The following DLG2 variants were observed in gnomAD, a reference collection of about 807,000 sequenced individuals.
The protein encoded by DLG2 is discs large MAGUK scaffold protein 2, also known as disks large homolog 2.
Under a neutral mutation model 132.5 loss-of-function variants are expected in DLG2, and 45 were observed. The ratio of observed to expected loss-of-function variants is 0.34; its 90% CI spans 0.27 to 0.44. The LOEUF is 0.44. Among genes scored for constraint, DLG2 ranks in the 20% least tolerant of loss-of-function variants. The pLI is 1.00. For synonymous variants in DLG2, 424 were observed against 419.6 expected (o/e 1.01, Z -0.13); for missense variants, 1,045 against 1,196.9 (o/e 0.87, Z 1.87).
chr11:85,622,701 G>A (rs1309644781), intron 2 of DLG2, among the ~76,000 whole-genome samples: 3 of 151,852 alleles, frequency 2.0e-5, no homozygotes, highest in African/African-American at 7.3e-5. Context: ...TTTAAGAACT[G>A]TGAGTCCAGG....
At chr11:84,034,495 G>A (rs1051994619) in intron 11 of DLG2, among the ~76,000 whole-genome samples, 1 of 152,068 alleles carries the variant, frequency 6.6e-6, no homozygotes, top group Non-Finnish European at 1.5e-5. Flanking sequence ...AAATTTTGAA[G>A]CTTTTCCTTG....
intron 11 of DLG2, among the ~76,000 whole-genome samples, chr11:84,020,384 C>T (rs1327177049): frequency 6.6e-6 from 1 of 151,996 alleles, no homozygotes; most frequent in Non-Finnish European, 1.5e-5. Context: ...TTCATGTTGT[C>T]ACTACATACT....
intron 6 of DLG2, among the ~76,000 whole-genome samples, chr11:85,091,935 GA>G (rs1481419517): frequency 6.6e-6 from 1 of 152,140 alleles, no homozygotes; most frequent in East Asian, 1.9e-4. Flanking sequence ...AGTGAATCAT[GA>G]ATGTTCTCAA....
intron 3 of DLG2, among the ~76,000 whole-genome samples, chr11:85,531,733 T>C (rs1345258050): frequency 1.3e-5 from 2 of 151,996 alleles, no homozygotes; most frequent in African/African-American, 2.4e-5. Context: ...TACACAGCGG[T>C]GGAGGGGTGG....
chr11:85,011,668 C>A (rs776295770), intron 6 of DLG2, among the ~76,000 whole-genome samples: 2 of 152,152 alleles, frequency 1.3e-5, no homozygotes, highest in African/African-American at 2.4e-5. Context: ...ATGATTTCCT[C>A]TATAAGAAAT....
intron 6 of DLG2, among the ~76,000 whole-genome samples, chr11:84,956,679 A>C (rs889948630): frequency 2.6e-5 from 4 of 152,204 alleles, no homozygotes; most frequent in African/African-American, 4.8e-5. Context: ...GAAAGGAAGA[A>C]ATGTAACTCA....
At chr11:84,902,231 G>A (rs903186921) in intron 6 of DLG2, among the ~76,000 whole-genome samples, 3 of 152,054 alleles carry the variant, frequency 2.0e-5, no homozygotes, top group Non-Finnish European at 4.4e-5. Flanking sequence ...ATTCCCAGAT[G>A]GCAAATCCAT....
chr11:84,737,236 C>T (rs1005494810), intron 6 of DLG2, among the ~76,000 whole-genome samples: 1 of 151,920 alleles, frequency 6.6e-6, no homozygotes, highest in African/African-American at 2.4e-5. Flanking sequence ...TAGTGTACTA[C>T]TGGATTCCAT....
At chr11:84,148,055 G>C (rs917654546) in intron 9 of DLG2, among the ~76,000 whole-genome samples, 3 of 151,896 alleles carry the variant, frequency 2.0e-5, no homozygotes, top group Admixed American at 6.6e-5. Context: ...AGTAATGAAC[G>C]GTCATTCAGG....
chr11:83,899,671 T>C (rs902111145), intron 15 of DLG2, among the ~76,000 whole-genome samples: 1 of 127,520 alleles, frequency 7.8e-6, no homozygotes, highest in Non-Finnish European at 1.7e-5. Context: ...CCTTCTGCCA[T>C]GATTGTGAGG....
intron 11 of DLG2, among the ~76,000 whole-genome samples, chr11:84,043,099 AAATT>A (rs1398644434): frequency 1.3e-5 from 2 of 151,610 alleles, no homozygotes; most frequent in Admixed American, 6.6e-5. Flanking sequence ...TTGCCTAAAT[AAATT>A]AATTAAAAAT....
chr11:83,770,255 G>GTT (rs143065797), intron 18 of DLG2, among the ~76,000 whole-genome samples: 11 of 109,942 alleles, frequency 1.0e-4, no homozygotes, highest in East Asian at 2.2e-4. Context: ...GGTGTCTGGT[G>GTT]TTTTTTTTTG....
intron 6 of DLG2, among the ~76,000 whole-genome samples, chr11:84,680,578 C>T (rs1210951807): frequency 6.6e-6 from 1 of 152,126 alleles, no homozygotes; most frequent in Non-Finnish European, 1.5e-5. Context: ...AAAACCTTTC[C>T]CAAATATTTG....
At chr11:84,854,874 T>C (rs963161644) in intron 6 of DLG2, among the ~76,000 whole-genome samples, 1 of 152,042 alleles carries the variant, frequency 6.6e-6, no homozygotes, top group Non-Finnish European at 1.5e-5. Flanking sequence ...ATTTCTATTA[T>C]ATATTGGTGC....
chr11:84,387,668 A>G (rs943271298), intron 7 of DLG2, among the ~76,000 whole-genome samples: 1 of 152,212 alleles, frequency 6.6e-6, no homozygotes, highest in African/African-American at 2.4e-5. Context: ...TGTTAGAGTT[A>G]CATTTATCAA....
At chr11:85,412,535 G>A (rs555037737) in intron 3 of DLG2, among the ~76,000 whole-genome samples, 11 of 151,472 alleles carry the variant, frequency 7.3e-5, no homozygotes, top group African/African-American at 2.2e-4. Flanking sequence ...TCTTTTCCAC[G>A]GAGTCCCCAG....
intron 6 of DLG2, among the ~76,000 whole-genome samples, chr11:84,600,666 A>G (rs2099574847): frequency 6.6e-6 from 1 of 152,228 alleles, no homozygotes; most frequent in African/African-American, 2.4e-5. Context: ...ATGTATAAAT[A>G]TAACTGCAGT....
chr11:83,920,229 T>C (rs747161470), intron 15 of DLG2, among the ~76,000 whole-genome samples: 1 of 152,166 alleles, frequency 6.6e-6, no homozygotes, highest in Non-Finnish European at 1.5e-5. Flanking sequence ...GTTTTAGTAT[T>C]CAATTTGGAA....
intron 15 of DLG2, among the ~76,000 whole-genome samples, chr11:83,877,526 T>A (rs1421458759): frequency 1.3e-5 from 2 of 152,188 alleles, no homozygotes; most frequent in Non-Finnish European, 2.9e-5. Context: ...TAACTAATTA[T>A]TTTGTTATTC....
Sources: allele counts gnomAD v4.1 joint callset (sites outside exome capture counted in the v4.1 genomes callset), GRCh38; gene constraint gnomAD v4.1.1; transcripts MANE v1.5; gene names NCBI Gene and HGNC (gene_info 2026-07-23, HGNC 2026-07-21).